FIRRM: variants seen among roughly 807,000 people sequenced by gnomAD.
FIRRM encodes FIGNL1 interacting regulator of recombination and mitosis.
the FIRRM span, chr1:169,795,930 A>G: frequency 1.0e-6 from 1 of 985,320 alleles, no homozygotes; most frequent in Non-Finnish European, 1.2e-6. Context: ...CACATTCTTG[A>G]TTGGTCTCAT....
chr1:169,838,140 T>C, the FIRRM span, among the ~76,000 whole-genome samples: 1 of 152,120 alleles, frequency 6.6e-6, no homozygotes, highest in African/African-American at 2.4e-5. Flanking sequence ...ACTTTCACCA[T>C]GTTGGCCAGG....
chr1:169,793,342 T>C, the FIRRM span: 1 of 1,614,248 alleles, frequency 6.2e-7, no homozygotes. Flanking sequence ...GTAATGTTTC[T>C]ATGACTTTAT....
the FIRRM span, among the ~76,000 whole-genome samples, chr1:169,787,000 A>G: frequency 3.9e-5 from 6 of 152,164 alleles, no homozygotes; most frequent in Non-Finnish European, 8.8e-5. Context: ...CTAGAGCTAC[A>G]CAGATACTGT....
At chr1:169,830,680 C>G in the FIRRM span, 21 of 1,610,862 alleles carry the variant, frequency 1.3e-5, no homozygotes, top group Non-Finnish European at 1.8e-5. Flanking sequence ...TAGTTGTCTT[C>G]TCTTTTATAT....
the FIRRM span, chr1:169,851,738 C>A: frequency 3.2e-6 from 5 of 1,544,502 alleles, no homozygotes; most frequent in Non-Finnish European, 4.4e-6. Flanking sequence ...ACACTCAGCA[C>A]TTAAATTATG....
chr1:169,814,639 C>T, the FIRRM span, among the ~76,000 whole-genome samples: 1,711 of 152,212 alleles, frequency 0.011, 31 homozygotes, highest in African/African-American at 0.038. Flanking sequence ...GAAGTGCTCC[C>T]GAGAATTCCT....
chr1:169,808,355 G>T, the FIRRM span, among the ~76,000 whole-genome samples: 1 of 152,122 alleles, frequency 6.6e-6, no homozygotes, highest in African/African-American at 2.4e-5. Context: ...GTATGTATCA[G>T]TCTTTTAAAT....
the FIRRM span, chr1:169,795,104 T>C: frequency 6.5e-7 from 1 of 1,535,826 alleles, no homozygotes; most frequent in Admixed American, 2.0e-5. Flanking sequence ...GACGAAAGTA[T>C]GTCTCAGGAA....
At chr1:169,823,959 C>A in the FIRRM span, among the ~76,000 whole-genome samples, 1 of 152,148 alleles carries the variant, frequency 6.6e-6, no homozygotes, top group African/African-American at 2.4e-5. Flanking sequence ...TAAGTGACTT[C>A]TAAAATTGAT....
the FIRRM span, among the ~76,000 whole-genome samples, chr1:169,825,199 G>A: frequency 1.6e-4 from 24 of 152,252 alleles, no homozygotes; most frequent in African/African-American, 4.3e-4. Flanking sequence ...TTTGCCTCGC[G>A]CTAGTTTGTT....
the FIRRM span, among the ~76,000 whole-genome samples, chr1:169,809,379 C>T: frequency 6.6e-6 from 1 of 152,100 alleles, no homozygotes; most frequent in South Asian, 2.1e-4. Context: ...TTGTTTTCTT[C>T]TTTACCTTTA....
the FIRRM span, among the ~76,000 whole-genome samples, chr1:169,790,572 C>T: frequency 6.6e-6 from 1 of 152,120 alleles, no homozygotes; most frequent in Admixed American, 6.5e-5. Context: ...GGACCCTCTC[C>T]CTGGGAAATG....
At chr1:169,832,522 A>G in the FIRRM span, 8 of 1,582,826 alleles carry the variant, frequency 5.1e-6, no homozygotes, top group South Asian at 2.2e-5. Flanking sequence ...GAAGGATATC[A>G]TCTTTGTCAC....
the FIRRM span, among the ~76,000 whole-genome samples, chr1:169,786,836 A>G: frequency 6.6e-6 from 1 of 152,312 alleles, no homozygotes; most frequent in South Asian, 2.1e-4. Flanking sequence ...TTATCTACAC[A>G]TTGTGAAGCA....
At chr1:169,788,661 C>G in the FIRRM span, among the ~76,000 whole-genome samples, 1 of 152,156 alleles carries the variant, frequency 6.6e-6, no homozygotes, top group African/African-American at 2.4e-5. Context: ...TTTACATCCA[C>G]TTTTTCCATC....
chr1:169,822,076 G>C, the FIRRM span, among the ~76,000 whole-genome samples: 5 of 152,086 alleles, frequency 3.3e-5, no homozygotes, highest in Non-Finnish European at 5.9e-5. Flanking sequence ...AAGCAGCATA[G>C]TTAGAGAAAA....
the FIRRM span, among the ~76,000 whole-genome samples, chr1:169,845,649 A>T: frequency 6.6e-6 from 1 of 150,868 alleles, no homozygotes; most frequent in Non-Finnish European, 1.5e-5. Flanking sequence ...ATGTGTCAAG[A>T]AACCACTTTC....
At chr1:169,844,816 A>G in the FIRRM span, among the ~76,000 whole-genome samples, 1 of 152,198 alleles carries the variant, frequency 6.6e-6, no homozygotes, top group Non-Finnish European at 1.5e-5. Flanking sequence ...CTAAATAAGT[A>G]GATTGTTCAA....
At chr1:169,847,853 A>G in the FIRRM span, 1 of 1,259,744 alleles carries the variant, frequency 7.9e-7, no homozygotes, top group East Asian at 2.4e-5. Flanking sequence ...AATCTCTATA[A>G]GAGTTAGTGA....
Sources: gnomAD v4.1 joint callset for allele counts (sites outside exome capture counted in the v4.1 genomes callset) on GRCh38, gnomAD v4.1.1 for gene constraint, MANE v1.5 for transcripts, NCBI Gene and HGNC (gene_info 2026-07-23, HGNC 2026-07-21) for gene names.